Variants in CRTAC1 observed in about 807,000 individuals in gnomAD.
CRTAC1 encodes the protein cartilage acidic protein 1.
In CRTAC1, 37 loss-of-function variants were observed where a neutral mutation model predicts 67.8. The ratio of observed to expected loss-of-function variants is 0.55; its 90% CI spans 0.42 to 0.72. The LOEUF (loss-of-function observed/expected upper bound fraction) is 0.72, where lower values mean the gene tolerates loss of function less well. Among genes scored for constraint, CRTAC1 ranks in the 30% least tolerant of loss-of-function variants. The pLI, the probability that CRTAC1 is intolerant of heterozygous loss-of-function variation, is 0.00. For missense variants in CRTAC1, 780 were observed against 931.6 expected (o/e 0.84, Z 2.12); for synonymous variants, 348 against 371.0 (o/e 0.94, Z 0.71).
intron 2 of CRTAC1, among the ~76,000 whole-genome samples, chr10:97,937,596 G>A (rs2051109809): frequency 6.6e-6 from 1 of 152,222 alleles, no homozygotes; most frequent in Non-Finnish European, 1.5e-5. Context: ...TTTGCTAGCT[G>A]ATTGAATGAA....
chr10:97,902,265 C>T (rs2050552118), intron 7 of CRTAC1, among the ~76,000 whole-genome samples: 4 of 152,230 alleles, frequency 2.6e-5, no homozygotes. Context: ...ATGCCTGGCA[C>T]AGAGTGGGCA....
At chr10:97,979,783 G>A (rs1182067716) in intron 2 of CRTAC1, among the ~76,000 whole-genome samples, 1 of 152,182 alleles carries the variant, frequency 6.6e-6, no homozygotes, top group Non-Finnish European at 1.5e-5. Flanking sequence ...CTTGTCACCA[G>A]TATTTTTTTT....
intron 2 of CRTAC1, among the ~76,000 whole-genome samples, chr10:97,942,315 A>G (rs927031334): frequency 1.1e-4 from 16 of 152,256 alleles, no homozygotes; most frequent in Non-Finnish European, 1.8e-4. Context: ...GGAAGAGATG[A>G]AGCCCGTGGA....
intron 5 of CRTAC1, among the ~76,000 whole-genome samples, chr10:97,909,859 T>C (rs2050664865): frequency 6.6e-6 from 1 of 152,198 alleles, no homozygotes; most frequent in African/African-American, 2.4e-5. Context: ...ATATACATAA[T>C]AGAGTATTAC....
chr10:97,898,216 G>C (rs2050487500), intron 8 of CRTAC1, among the ~76,000 whole-genome samples: 1 of 152,220 alleles, frequency 6.6e-6, no homozygotes, highest in African/African-American at 2.4e-5. Context: ...TGTGTGCCGG[G>C]CCCTGCGTGA....
At chr10:97,984,987 T>C (rs2051956680) in intron 2 of CRTAC1, among the ~76,000 whole-genome samples, 2 of 152,168 alleles carry the variant, frequency 1.3e-5, no homozygotes, top group African/African-American at 2.4e-5. Flanking sequence ...TGCCCAAAAA[T>C]GAAAGACTCA....
At chr10:97,977,313 G>A (rs1338153561) in intron 2 of CRTAC1, among the ~76,000 whole-genome samples, 6 of 152,212 alleles carry the variant, frequency 3.9e-5, no homozygotes, top group Non-Finnish European at 5.9e-5. Flanking sequence ...TGGCCGGGGA[G>A]GAGAGCGGCA....
chr10:97,988,609 A>T (rs2052023477), intron 2 of CRTAC1, among the ~76,000 whole-genome samples: 2 of 152,078 alleles, frequency 1.3e-5, no homozygotes, highest in Admixed American at 6.6e-5. Flanking sequence ...AATCCCAACT[A>T]CTCGGGAGGC....
At chr10:97,986,101 G>A (rs1047132136) in intron 2 of CRTAC1, among the ~76,000 whole-genome samples, 1 of 152,212 alleles carries the variant, frequency 6.6e-6, no homozygotes, top group Non-Finnish European at 1.5e-5. Context: ...AGGAGGAAGG[G>A]TAAAGGGAAG....
intron 3 of CRTAC1, among the ~76,000 whole-genome samples, chr10:97,927,407 T>G (rs552346460): frequency 3.3e-5 from 5 of 152,352 alleles, no homozygotes; most frequent in Non-Finnish European, 5.9e-5. Context: ...TTAATTTTAT[T>G]TAACCCAGCC....
At chr10:97,951,724 GT>G (rs2051358965) in intron 2 of CRTAC1, among the ~76,000 whole-genome samples, 2 of 152,178 alleles carry the variant, frequency 1.3e-5, no homozygotes, top group South Asian at 4.1e-4. Flanking sequence ...AAGATATTAG[GT>G]AAGCAGACAT....
intron 2 of CRTAC1, among the ~76,000 whole-genome samples, chr10:97,941,247 A>G (rs566886648): frequency 3.9e-5 from 6 of 152,004 alleles, no homozygotes; most frequent in Non-Finnish European, 8.8e-5. Context: ...CTTCTAGGCC[A>G]AGGAGGCCAA....
chr10:97,956,140 C>T (rs1379656151), intron 2 of CRTAC1, among the ~76,000 whole-genome samples: 1 of 152,182 alleles, frequency 6.6e-6, no homozygotes, highest in African/African-American at 2.4e-5. Flanking sequence ...TTGACTGACA[C>T]CAAGTTCTTC....
intron 2 of CRTAC1, among the ~76,000 whole-genome samples, chr10:97,991,383 A>AGCACCACTGCACT (rs1842452506): frequency 2.6e-5 from 4 of 151,718 alleles, no homozygotes; most frequent in Admixed American, 2.6e-4. Flanking sequence ...ACTGCACTCC[A>AGCACCACTGCACT]GCCTGGGTGA....
chr10:98,002,761 C>CTGTTTTTTTTT lies in CRTAC1; in HGVS notation c.224+8376_224+8377insAAAAAAAAACA, dbSNP rs771351655. Among the ~76,000 whole-genome samples, 33 of 37,296 alleles carry CTGTTTTTTTTT rather than the reference C, an allele frequency of 8.8e-4. 6 individuals carry two copies. The highest frequency in any genetic ancestry group is 4.2e-3 in the South Asian group (3 of 716). The allele number at this position is 37,296 out of a possible 152,430, so 24.5% of individuals were successfully genotyped here. ...TTTTAGGAATTCTTTACAAAACTCA[C>CTGTTTTTTTTT]TTTTTTTTTTTTTTTTTTTTTTTTT... is the stretch of plus-strand genomic sequence containing the variant. On this transcript the variant is annotated intron_variant, in intron 2 of 14. Coordinates refer to ENST00000370597, the MANE Select transcript of CRTAC1 (RefSeq NM_018058.7).
intron 1 of CRTAC1, among the ~76,000 whole-genome samples, chr10:98,025,682 C>T (rs1843217045): frequency 6.6e-6 from 1 of 152,228 alleles, no homozygotes; most frequent in African/African-American, 2.4e-5. Context: ...ACCAGCCAGG[C>T]TCTCCAGAAA....
At chr10:97,963,441 A>G (rs2051560091) in intron 2 of CRTAC1, among the ~76,000 whole-genome samples, 1 of 152,154 alleles carries the variant, frequency 6.6e-6, no homozygotes, top group African/African-American at 2.4e-5. Flanking sequence ...TGCACTCTCA[A>G]TTTTAAGAAC....
intron 1 of CRTAC1, among the ~76,000 whole-genome samples, chr10:98,021,529 TG>T (rs1843121239): frequency 6.6e-6 from 1 of 152,200 alleles, no homozygotes; most frequent in South Asian, 2.1e-4. Context: ...TACTATTAAC[TG>T]CTCAGACTTC....
chr10:97,867,154 G>A (rs1257287527), intron 14 of CRTAC1: 1 of 152,104 alleles, frequency 6.6e-6, no homozygotes, highest in Non-Finnish European at 1.5e-5. Context: ...CAGGGGCTGG[G>A]GCTCTTTAAG....
Sources: gnomAD v4.1 joint callset for allele counts (sites outside exome capture counted in the v4.1 genomes callset) on GRCh38, gnomAD v4.1.1 for gene constraint, MANE v1.5 for transcripts, NCBI Gene and HGNC (gene_info 2026-07-23, HGNC 2026-07-21) for gene names.